Variants in PHIP observed in about 807,000 individuals in gnomAD.
PHIP encodes PH-interacting protein.
PHIP carries 54 observed loss-of-function variants against 236.8 expected under a neutral mutation model. That is an observed-to-expected ratio of 0.23 (90% CI 0.18 to 0.29). The LOEUF (loss-of-function observed/expected upper bound fraction) is 0.29, where lower values mean the gene tolerates loss of function less well. Ranked by LOEUF, PHIP falls within the 10% of genes least tolerant of loss-of-function variation. The pLI is 1.00. For synonymous variants in PHIP, 756 were observed against 718.9 expected (o/e 1.05, Z -0.83); for missense variants, 1,370 against 2,190.8 (o/e 0.63, Z 7.48).
intron 7 of PHIP, among the ~76,000 whole-genome samples, chr6:79,029,083 GA>G (rs1397959142): frequency 6.6e-6 from 1 of 152,100 alleles, no homozygotes; most frequent in Non-Finnish European, 1.5e-5. Flanking sequence ...GACAAGTGCT[GA>G]AAACAAACAA....
At position 79,010,404 on chromosome 6, in the gene PHIP, A is replaced by T. The variant is rs567833918; in HGVS notation, c.1524+4678T>A. ...GTGGACACTGGAACTTTTTTTTTTT[A>T]AAAAAATCTCTTAAGTAAAAGAAAG... On this transcript the variant is annotated intron_variant, in intron 15 of 39. Coordinates refer to ENST00000275034, the MANE Select transcript of PHIP (RefSeq NM_017934.7). Among the ~76,000 whole-genome samples, 847 of 150,102 alleles carry T rather than the reference A, an allele frequency of 5.6e-3. 4 individuals are homozygous for T. Among genetic ancestry groups the T allele is most frequent in the Middle Eastern group, 0.014 (4 of 282 alleles).
In PHIP at chr6:78,935,408, A is replaced by G; in HGVS notation, c.*5285T>C. 1.3e-6 allele frequency: 1 copy of G among 744,064 alleles called. No homozygotes were observed. Among genetic ancestry groups the G allele is most frequent in the Non-Finnish European group, 1.6e-6 (1 of 609,734 alleles). 46.1% of individuals were successfully genotyped at this position (744,064 alleles called of 1,614,324 possible). A position where few individuals can be genotyped will look rare whatever the true frequency, so the allele number is the denominator to read the frequency against. On this transcript the variant is annotated 3_prime_UTR_variant, in exon 40 of 40. Transcript: ENST00000275034. Reference sequence around the variant, plus strand: ...AATAAAAATGCATGCCAATCTGACAAAATTTCTAGGAAAACTGCAATAACC... The same window carrying G: ...AATAAAAATGCATGCCAATCTGACAGAATTTCTAGGAAAACTGCAATAACC...
At chr6:79,000,379 G>A (rs529886671) in intron 17 of PHIP, among the ~76,000 whole-genome samples, 1 of 152,126 alleles carries the variant, frequency 6.6e-6, no homozygotes, top group South Asian at 2.1e-4. Context: ...GAGAATCAGA[G>A]CTGAGGTTAG....
chr6:78,940,006 G>C lies in PHIP; in HGVS notation c.*687C>G, dbSNP rs1342107035. 1 of 152,368 alleles carries C rather than the reference G, an allele frequency of 6.6e-6. No individual in the cohort carries two copies. The highest frequency in any genetic ancestry group is 1.9e-4 in the East Asian group (1 of 5,192). 9.4% of individuals were successfully genotyped at this position (152,368 alleles called of 1,614,324 possible). A position where few individuals can be genotyped will look rare whatever the true frequency, so the allele number is the denominator to read the frequency against. On this transcript the variant is annotated 3_prime_UTR_variant, in exon 40 of 40. Coordinates refer to ENST00000275034, the MANE Select transcript of PHIP (RefSeq NM_017934.7). ...AGAGATTGAGTGATATAAGAATCAAGGTCTGAAAAATTAGACAGTCAAATG... is the reference window on the plus strand; with the variant it reads ...AGAGATTGAGTGATATAAGAATCAACGTCTGAAAAATTAGACAGTCAAATG...
intron 7 of PHIP, among the ~76,000 whole-genome samples, chr6:79,042,348 TA>T (rs1242848277): frequency 6.6e-6 from 1 of 151,982 alleles, no homozygotes; most frequent in African/African-American, 2.4e-5. Flanking sequence ...TAACAGGTAA[TA>T]AGAGTATTAG....
intron 6 of PHIP, among the ~76,000 whole-genome samples, chr6:79,049,167 A>G (rs1036108366): frequency 6.6e-6 from 1 of 151,516 alleles, no homozygotes; most frequent in African/African-American, 2.4e-5. Flanking sequence ...GGTTCAAGCG[A>G]TTCTCATGCC....
rs760569352 is a variant in PHIP at position 78,998,426 on chromosome 6, T to G, written c.1880-35A>C. On this transcript the variant is annotated intron_variant, in intron 17 of 39. Transcript: ENST00000275034. Reference sequence around the variant, plus strand: ...ACCACACAAAATATTACGAATATTTTAGCTACTATTCAAACCATTTTACTC... The same window carrying G: ...ACCACACAAAATATTACGAATATTTGAGCTACTATTCAAACCATTTTACTC... The G allele has an allele frequency of 6.9e-6, 11 of 1,593,286 alleles. No individual in the cohort carries two copies. In the East Asian group the frequency reaches 2.5e-4, roughly 36 times the overall value.
Position 79,060,548 on chromosome 6 carries a change from A to G in PHIP, c.369T>C (p.Ser123=), listed in dbSNP as rs1394793389. 1.2e-6 allele frequency: 2 copies of G among 1,613,784 alleles called. No homozygotes were observed. Among genetic ancestry groups the G allele is most frequent in the Non-Finnish European group, 1.7e-6 (2 of 1,179,846 alleles). The change falls in exon 6 of 40, where the codon TCT becomes TCC. Residue 123 remains serine (S), a synonymous_variant. Coordinates refer to ENST00000275034, the MANE Select transcript of PHIP (RefSeq NM_017934.7). ...KSCKHVVWKG[S]ALAALHCGRP... ...TTCCACAGTGCAACGCAGCCAGAGC[A>G]GATCCTTTCCACACAACATGCTTGC...
chr6:78,963,126 A>G lies in PHIP; in HGVS notation c.3506T>C (p.Val1169Ala), dbSNP rs778714691. 20 of 1,606,756 alleles carry G rather than the reference A, an allele frequency of 1.2e-5. No individual in the cohort carries two copies. In the South Asian group the frequency reaches 1.7e-4, roughly 13 times the overall value. Residue 1169 changes from valine to alanine, a missense_variant, in exon 30 of 40, where the codon GTG becomes GCG. Physicochemically the swap from Val to Ala is moderately conservative, Grantham distance 64. Coordinates refer to ENST00000275034, the MANE Select transcript of PHIP (RefSeq NM_017934.7). ...TGTCATCAACTGGTTTATTCCTGCC[A>G]CAATTCTTTCACATTCTTCATCCCT... is the stretch of plus-strand genomic sequence containing the variant. ...NPRDEECERI[V>A]AGINQLMTLD...
At chr6:78,953,459 A>G (rs1766195120) in intron 35 of PHIP, among the ~76,000 whole-genome samples, 1 of 152,214 alleles carries the variant, frequency 6.6e-6, no homozygotes, top group Non-Finnish European at 1.5e-5. Flanking sequence ...TTTCAAAAGA[A>G]TACATAGCTG....
intron 7 of PHIP, among the ~76,000 whole-genome samples, chr6:79,039,612 G>A (rs1210941033): frequency 2.0e-5 from 3 of 152,068 alleles, no homozygotes; most frequent in African/African-American, 7.2e-5. Context: ...ATAAAACTCT[G>A]AAGTTCATTA....
At chr6:79,065,845 TCTA>T (rs754771069) in intron 4 of PHIP, among the ~76,000 whole-genome samples, 38 of 152,010 alleles carry the variant, frequency 2.5e-4, no homozygotes, top group Admixed American at 2.3e-3. Flanking sequence ...AACAATCTTT[TCTA>T]CTTTTTCTAA....
At chr6:79,007,654 C>CTTT (rs35415106) in intron 15 of PHIP, among the ~76,000 whole-genome samples, 8 of 116,646 alleles carry the variant, frequency 6.9e-5, no homozygotes, top group African/African-American at 1.3e-4. Context: ...ATGTCTTGTT[C>CTTT]TTTTTTTTTT....
At chr6:78,961,028 C>T (rs1207297395) in intron 31 of PHIP, among the ~76,000 whole-genome samples, 2 of 152,012 alleles carry the variant, frequency 1.3e-5, no homozygotes, top group African/African-American at 4.8e-5. Context: ...AAACTAAAAA[C>T]AGGATTCCAT....
chr6:79,049,909 A>C (rs1344147717), intron 6 of PHIP, among the ~76,000 whole-genome samples: 1 of 152,180 alleles, frequency 6.6e-6, no homozygotes, highest in African/African-American at 2.4e-5. Context: ...AAGGCATAAA[A>C]TTACTTGAAA....
At position 78,983,123 on chromosome 6, in the gene PHIP, A is replaced by C; in HGVS notation, c.2538-6T>G. ...AGTAATCACTGGAGTAGTCACTAGA[A>C]GGAGAGAAGGGATTATTAGATAACA... On this transcript the variant is annotated splice_polypyrimidine_tract_variant and splice_region_variant and intron_variant, in intron 22 of 39. Transcript: ENST00000275034. 6.8e-7 allele frequency: 1 copy of C among 1,461,440 alleles called. No homozygotes were observed. Among genetic ancestry groups the C allele is most frequent in the Non-Finnish European group, 9.4e-7 (1 of 1,067,016 alleles). The allele number at this position is 1,461,440 out of a possible 1,614,324, so 90.5% of individuals were successfully genotyped here. A position where few individuals can be genotyped will look rare whatever the true frequency, so the allele number is the denominator to read the frequency against.
At chr6:78,980,981 A>G (rs1195243828) in intron 23 of PHIP, among the ~76,000 whole-genome samples, 4 of 152,046 alleles carry the variant, frequency 2.6e-5, no homozygotes, top group Non-Finnish European at 4.4e-5. Flanking sequence ...AAGAATAATC[A>G]TATGTATGAC....
At chr6:79,071,283 T>C (rs1399639389) in intron 4 of PHIP, among the ~76,000 whole-genome samples, 2 of 152,206 alleles carry the variant, frequency 1.3e-5, no homozygotes, top group Non-Finnish European at 2.9e-5. Context: ...TTGTGATTTT[T>C]CAGTACCCTG....
At chr6:78,992,030 C>T (rs987368391) in intron 19 of PHIP, among the ~76,000 whole-genome samples, 2 of 148,732 alleles carry the variant, frequency 1.3e-5, no homozygotes, top group Non-Finnish European at 1.5e-5. Flanking sequence ...GGCATGATCT[C>T]GGCTCACTGC....
Sources: allele counts gnomAD v4.1 joint callset (sites outside exome capture counted in the v4.1 genomes callset), GRCh38; gene constraint gnomAD v4.1.1; transcripts MANE v1.5; gene names NCBI Gene and HGNC (gene_info 2026-07-23, HGNC 2026-07-21).